Variants in PLCB1 observed in about 807,000 individuals in gnomAD.
PLCB1 encodes the protein 1-phosphatidylinositol 4,5-bisphosphate phosphodiesterase beta-1.
A neutral mutation model predicts 161.8 loss-of-function variants in PLCB1; 46 were observed. The ratio of observed to expected loss-of-function variants is 0.28; its 90% CI spans 0.22 to 0.36. The LOEUF (loss-of-function observed/expected upper bound fraction) is 0.36. Ranked by LOEUF, PLCB1 falls within the 10% of genes least tolerant of loss-of-function variation. The probability of loss-of-function intolerance (pLI) is 1.00; values close to 1 mark genes in which losing one functional copy is unlikely to be tolerated. For missense variants in PLCB1, 1,016 were observed against 1,472.5 expected, an observed-to-expected ratio of 0.69 and a Z score of 5.07; for synonymous variants, 517 against 503.7, an observed-to-expected ratio of 1.03 and a Z score of -0.35.
intron 3 of PLCB1, among the ~76,000 whole-genome samples, chr20:8,538,880 GC>G (rs1382475821): frequency 1.3e-5 from 2 of 148,640 alleles, no homozygotes; most frequent in Non-Finnish European, 3.0e-5. Flanking sequence ...TGCAACCTCT[GC>G]CTCCCGGGTT....
At chr20:8,547,458 G>A (rs1985595227) in intron 3 of PLCB1, among the ~76,000 whole-genome samples, 1 of 152,160 alleles carries the variant, frequency 6.6e-6, no homozygotes, top group Non-Finnish European at 1.5e-5. Context: ...CACCTCCTTA[G>A]TCTAAATAAC....
chr20:8,243,585 A>G (rs1980726149), intron 2 of PLCB1, among the ~76,000 whole-genome samples: 1 of 151,974 alleles, frequency 6.6e-6, no homozygotes, highest in African/African-American at 2.4e-5. Flanking sequence ...GAGACAAGCC[A>G]TATGCTTTGT....
chr20:8,398,862 A>G (rs1370301288), intron 3 of PLCB1, among the ~76,000 whole-genome samples: 4 of 151,624 alleles, frequency 2.6e-5, no homozygotes, highest in East Asian at 1.9e-4. Flanking sequence ...ATCGTACCCT[A>G]GAGGTGCAAA....
Position 8,308,032 on chromosome 20 carries a change from A to G in PLCB1, c.178-63350A>G, listed in dbSNP as rs528254167. Among the ~76,000 whole-genome samples, 9 of 152,150 alleles carry G rather than the reference A, an allele frequency of 5.9e-5. 1 individual carries two copies. In the South Asian group the frequency reaches 1.9e-3, roughly 32 times the overall value. ...TGCATTATAGAGAACTTTAAATATCAAAGTAGTTATTCCTGAACTTTTTAC... is the reference window on the plus strand; with the variant it reads ...TGCATTATAGAGAACTTTAAATATCGAAGTAGTTATTCCTGAACTTTTTAC... On this transcript the variant is annotated intron_variant, in intron 2 of 31. Transcript: ENST00000338037.
intron 2 of PLCB1, among the ~76,000 whole-genome samples, chr20:8,321,502 A>C (rs1984917152): frequency 6.6e-6 from 1 of 152,138 alleles, no homozygotes; most frequent in African/African-American, 2.4e-5. Context: ...CAATTAGGAG[A>C]ACCTTTGAAG....
intron 7 of PLCB1, among the ~76,000 whole-genome samples, chr20:8,655,917 G>A (rs1338127893): frequency 1.3e-5 from 2 of 151,986 alleles, no homozygotes; most frequent in Admixed American, 6.6e-5. Context: ...ACTGAAAAGT[G>A]AGCACTCTCC....
chr20:8,163,642 A>G (rs1201721768), intron 2 of PLCB1, among the ~76,000 whole-genome samples: 1 of 152,162 alleles, frequency 6.6e-6, no homozygotes. Flanking sequence ...AGGTTCATAT[A>G]CAGATCTGGA....
intron 3 of PLCB1, among the ~76,000 whole-genome samples, chr20:8,557,651 A>G (rs1986006953): frequency 6.6e-6 from 1 of 151,996 alleles, no homozygotes; most frequent in Non-Finnish European, 1.5e-5. Context: ...CAACATTTTG[A>G]ATTTAGTTAA....
chr20:8,238,153 T>A (rs1980421488), intron 2 of PLCB1, among the ~76,000 whole-genome samples: 2 of 152,088 alleles, frequency 1.3e-5, no homozygotes, highest in South Asian at 4.1e-4. Context: ...TTAAACTTCC[T>A]GGAAGGAGAA....
intron 31 of PLCB1, among the ~76,000 whole-genome samples, chr20:8,804,831 A>C (rs1323750606): frequency 6.6e-6 from 1 of 151,990 alleles, no homozygotes; most frequent in Non-Finnish European, 1.5e-5. Context: ...CTCTACTAAA[A>C]ATACAAAAAA....
intron 31 of PLCB1, among the ~76,000 whole-genome samples, chr20:8,841,640 C>T (rs1291007036): frequency 1.3e-5 from 2 of 150,950 alleles, no homozygotes; most frequent in African/African-American, 2.5e-5. Flanking sequence ...CAACTCCTGA[C>T]TTATATCTCC....
chr20:8,751,729 G>T (rs1463794733), intron 23 of PLCB1: 2 of 152,006 alleles, frequency 1.3e-5, no homozygotes, highest in Admixed American at 1.3e-4. Context: ...TAGTCAATGC[G>T]ACTGAAGTAC....
At chr20:8,178,273 T>C (rs2051803567) in intron 2 of PLCB1, among the ~76,000 whole-genome samples, 1 of 152,234 alleles carries the variant, frequency 6.6e-6, no homozygotes, top group Non-Finnish European at 1.5e-5. Flanking sequence ...GCCAAACTGC[T>C]TTCCACAGTG....
At chr20:8,443,769 A>ACAGCT (rs1456947819) in intron 3 of PLCB1, among the ~76,000 whole-genome samples, 4 of 152,130 alleles carry the variant, frequency 2.6e-5, no homozygotes, top group African/African-American at 9.7e-5. Flanking sequence ...CTCCCTAACT[A>ACAGCT]CAGCTCCCAA....
intron 2 of PLCB1, among the ~76,000 whole-genome samples, chr20:8,286,295 G>A (rs780830390): frequency 2.6e-5 from 4 of 152,198 alleles, no homozygotes; most frequent in African/African-American, 9.6e-5. Flanking sequence ...CTGCACTCCA[G>A]TCTGGGTGAC....
intron 31 of PLCB1, among the ~76,000 whole-genome samples, chr20:8,795,094 G>A (rs1445850913): frequency 6.6e-6 from 1 of 152,140 alleles, no homozygotes; most frequent in African/African-American, 2.4e-5. Context: ...ATGTGAGCTG[G>A]GACCTTAAGT....
At chr20:8,377,693 A>G (rs993081915) in intron 3 of PLCB1, among the ~76,000 whole-genome samples, 1 of 152,220 alleles carries the variant, frequency 6.6e-6, no homozygotes, top group African/African-American at 2.4e-5. Context: ...AGATTCTAGA[A>G]CAACTATTAG....
At chr20:8,836,228 G>A (rs917169135) in intron 31 of PLCB1, among the ~76,000 whole-genome samples, 2 of 152,212 alleles carry the variant, frequency 1.3e-5, no homozygotes, top group Non-Finnish European at 2.9e-5. Flanking sequence ...TAACTGCCCA[G>A]ATTCAAGTGG....
intron 3 of PLCB1, among the ~76,000 whole-genome samples, chr20:8,459,874 T>C (rs1192616671): frequency 3.3e-5 from 5 of 152,168 alleles, no homozygotes; most frequent in Admixed American, 6.5e-5. Context: ...CTAGAATTAG[T>C]GGGAGAGGTG....
Sources: allele counts gnomAD v4.1 joint callset (sites outside exome capture counted in the v4.1 genomes callset), GRCh38; gene constraint gnomAD v4.1.1; transcripts MANE v1.5; gene names NCBI Gene and HGNC (gene_info 2026-07-23, HGNC 2026-07-21).